The following SGCE variants were observed in gnomAD, a reference collection of about 807,000 sequenced individuals.
SGCE encodes sarcoglycan epsilon, also known as epsilon-sarcoglycan.
SGCE carries 26 observed loss-of-function variants against 57.8 expected under a neutral mutation model. The observed-to-expected ratio is 0.45, with a 90% confidence interval of 0.33 to 0.62. The LOEUF (loss-of-function observed/expected upper bound fraction) is 0.62, where lower values mean the gene tolerates loss of function less well. Among genes scored for constraint, SGCE ranks in the 20% least tolerant of loss-of-function variants. SGCE has a pLI of 0.02. For synonymous variants in SGCE, 183 were observed against 189.5 expected (o/e 0.97, Z 0.28); for missense variants, 468 against 548.6 (o/e 0.85, Z 1.47).
chr7:94,644,784 C>G (rs1806839099), intron 1 of SGCE: 1 of 248,200 alleles, frequency 4.0e-6, no homozygotes, highest in African/African-American at 2.3e-5. Flanking sequence ...CCCTGACCCT[C>G]TACATTTTTC....
chr7:94,588,158 T>G, intron 10 of SGCE: 1 of 1,115,658 alleles, frequency 9.0e-7, no homozygotes, highest in Non-Finnish European at 1.1e-6. Context: ...AAAGCAAGTC[T>G]TAGGGAAATA....
chr7:94,648,376 CAAAAA>C (rs71123907), intron 1 of SGCE, among the ~76,000 whole-genome samples: 3 of 65,086 alleles, frequency 4.6e-5, no homozygotes, highest in Middle Eastern at 9.4e-3. Context: ...ACTCTGTCTC[CAAAAA>C]AAAAAAAAAA....
chr7:94,615,841 T>C (rs887502172), intron 5 of SGCE, among the ~76,000 whole-genome samples: 1 of 152,188 alleles, frequency 6.6e-6, no homozygotes, highest in African/African-American at 2.4e-5. Flanking sequence ...GAACCTGCTC[T>C]TCTTCCCACC....
chr7:94,612,002 C>A (rs1801119737), intron 5 of SGCE, among the ~76,000 whole-genome samples: 1 of 152,152 alleles, frequency 6.6e-6, no homozygotes, highest in African/African-American at 2.4e-5. Context: ...CGATTTAAAA[C>A]AAGTTATTAC....
chr7:94,586,061 GAAAAAAAAA>G (rs780812386), intron 10 of SGCE, among the ~76,000 whole-genome samples: 9 of 28,908 alleles, frequency 3.1e-4, no homozygotes, highest in Non-Finnish European at 4.7e-4. Context: ...GGAACTAAAT[GAAAAAAAAA>G]AAAAAAAAAA....
intron 5 of SGCE, among the ~76,000 whole-genome samples, chr7:94,609,022 TACA>T (rs1312172653): frequency 6.6e-6 from 1 of 152,160 alleles, no homozygotes; most frequent in Admixed American, 6.5e-5. Context: ...ATTTTTTAGT[TACA>T]ACACCAAAGG....
chr7:94,645,656 T>C (rs746325714), intron 1 of SGCE, among the ~76,000 whole-genome samples: 7 of 152,166 alleles, frequency 4.6e-5, no homozygotes, highest in Non-Finnish European at 7.4e-5. Flanking sequence ...AATCCTAATT[T>C]TTGTCCATTG....
chr7:94,614,094 C>A (rs1801481521), intron 5 of SGCE, among the ~76,000 whole-genome samples: 1 of 139,944 alleles, frequency 7.1e-6, no homozygotes, highest in Non-Finnish European at 1.5e-5. Flanking sequence ...TTTTCTTGTA[C>A]CCAAATTGAA....
chr7:94,614,835 C>T (rs117929768), intron 5 of SGCE, among the ~76,000 whole-genome samples: 3,941 of 151,760 alleles, frequency 0.026, 77 homozygotes, highest in Non-Finnish European at 0.043. Context: ...AAAATATTCT[C>T]CCATTAAAAA....
chr7:94,611,957 T>C (rs1007309916), intron 5 of SGCE, among the ~76,000 whole-genome samples: 5 of 152,200 alleles, frequency 3.3e-5, no homozygotes, highest in African/African-American at 1.2e-4. Context: ...TGAGAAACCA[T>C]TGGTATTTAG....
chr7:94,653,612 C>T (rs558293417), intron 1 of SGCE, among the ~76,000 whole-genome samples: 11 of 151,950 alleles, frequency 7.2e-5, no homozygotes, highest in Non-Finnish European at 1.5e-4. Context: ...TAAAGTATTG[C>T]TCTATTAATG....
intron 6 of SGCE, 70 bp downstream of exon 6, chr7:94,603,220 G>A (rs987495096): frequency 1.1e-5 from 14 of 1,239,938 alleles, no homozygotes; most frequent in African/African-American, 3.0e-5. Flanking sequence ...AGCAGTTCAG[G>A]TTTTAGTCAA....
At chr7:94,588,199 T>G (rs1388948816) in intron 10 of SGCE, 1 of 1,073,008 alleles carries the variant, frequency 9.3e-7, no homozygotes, top group African/African-American at 1.7e-5. Flanking sequence ...TCCGCCATCT[T>G]GTTGTCATTG....
intron 5 of SGCE, among the ~76,000 whole-genome samples, chr7:94,604,295 G>GA (rs892941822): frequency 1.3e-5 from 2 of 151,752 alleles, no homozygotes; most frequent in African/African-American, 2.4e-5. Context: ...ACAATGCTAG[G>GA]AAAAAAATGA....
intron 5 of SGCE, among the ~76,000 whole-genome samples, chr7:94,612,766 A>G (rs1000991047): frequency 6.6e-6 from 1 of 152,034 alleles, no homozygotes; most frequent in South Asian, 2.1e-4. Flanking sequence ...TGAGCTCATC[A>G]TTACCCCACC....
At chr7:94,645,113 G>T (rs73425464) in intron 1 of SGCE, among the ~76,000 whole-genome samples, 1 of 151,916 alleles carries the variant, frequency 6.6e-6, no homozygotes, top group Non-Finnish European at 1.5e-5. Flanking sequence ...AACCCATTTC[G>T]TGGTTGACTG....
In SGCE at chr7:94,603,423, G is replaced by A. The variant is rs755996611; in HGVS notation, c.692C>T (p.Pro231Leu). 5.6e-5 allele frequency: 91 copies of A among 1,613,008 alleles called. No individual in the cohort carries two copies. Among genetic ancestry groups the A allele is most frequent in the Non-Finnish European group, 6.8e-5 (80 of 1,179,442 alleles). ...GVYVMVGADV[P>L]FSSCLREVEN... ...AACTTCTCGTAAACAAGAAGAAAAC[G>A]GGACATCTGCACCAACCATGACATA... The change falls in exon 6 of 11, where the codon CCG becomes CTG. Residue 231 changes from proline to leucine, a missense_variant. Pro to Leu is a moderately conservative substitution (Grantham distance 98, BLOSUM62 -3). Transcript: ENST00000648936.
chr7:94,635,638 CCTTT>C (rs1805509773), intron 1 of SGCE, among the ~76,000 whole-genome samples: 1 of 152,140 alleles, frequency 6.6e-6, no homozygotes, highest in African/African-American at 2.4e-5. Flanking sequence ...TTTATGGATT[CCTTT>C]CTAATTTATT....
At chr7:94,620,837 T>G (rs1002393222) in intron 4 of SGCE, 3 of 152,252 alleles carry the variant, frequency 2.0e-5, no homozygotes, top group African/African-American at 7.2e-5. Flanking sequence ...GGCAGCTGCC[T>G]GCTATCTACC....
Sources: allele counts gnomAD v4.1 joint callset (sites outside exome capture counted in the v4.1 genomes callset), GRCh38; gene constraint gnomAD v4.1.1; transcripts MANE v1.5; gene names NCBI Gene and HGNC (gene_info 2026-07-23, HGNC 2026-07-21).